Variants in PPP1R21 observed in about 807,000 individuals in gnomAD.
PPP1R21 encodes KLRAQ motif containing 1.
A neutral mutation model predicts 112.8 loss-of-function variants in PPP1R21; 85 were observed. The observed-to-expected ratio is 0.75, with a 90% CI of 0.63 to 0.90. The LOEUF is 0.90. PPP1R21 is among the 40% of genes least tolerant of loss of function. The pLI, the probability that PPP1R21 is intolerant of heterozygous loss-of-function variation, is 0.00. For missense variants in PPP1R21, 1,199 were observed against 901.5 expected (o/e 1.33, Z -4.23); for synonymous variants, 381 against 322.3 (o/e 1.18, Z -1.95).
chr2:48,495,626 G>T, intron 15 of PPP1R21, 53 bp from the exon 16 acceptor site: 1 of 942,014 alleles, frequency 1.1e-6, no homozygotes, highest in South Asian at 1.3e-5. Flanking sequence ...TTGGATGCAG[G>T]GGAGGGGTGA....
chr2:48,511,234 G>T, intron 20 of PPP1R21, 106 bp from the exon 21 acceptor site: 4 of 1,095,556 alleles, frequency 3.7e-6, no homozygotes, highest in South Asian at 1.6e-5. Flanking sequence ...AAATTATTGG[G>T]AAACTATAAT....
chr2:48,488,266 C>T (rs75282164), intron 14 of PPP1R21, among the ~76,000 whole-genome samples: 2,127 of 152,212 alleles, frequency 0.014, 45 homozygotes, highest in African/African-American at 0.046. Context: ...CCTTCATCCA[C>T]GGCATGCCAG....
At position 48,510,221 on chromosome 2, in the gene PPP1R21, T is replaced by A. The variant is rs1007400634; in HGVS notation, c.2184+108T>A. 2.5e-5 allele frequency: 17 copies of A among 671,626 alleles called. No individual in the cohort carries two copies. In the African/African-American group the frequency reaches 2.9e-4, roughly 11 times the overall value. The allele number at this position is 671,626 out of a possible 1,614,324, so 41.6% of individuals were successfully genotyped here. ...GCATTTGATCTCTAGATATGCTTTT[T>A]AAGATAACCACTGTATTTCTGATTC... On this transcript the variant is annotated intron_variant, in intron 20 of 21. Coordinates refer to ENST00000294952, the MANE Select transcript of PPP1R21 (RefSeq NM_001135629.3).
At chr2:48,468,072 G>T (rs1464369085) in intron 9 of PPP1R21, among the ~76,000 whole-genome samples, 1 of 152,160 alleles carries the variant, frequency 6.6e-6, no homozygotes. Flanking sequence ...TAGACTTCCT[G>T]GGTTCCCAGT....
Position 48,498,740 on chromosome 2 carries a change from G to A in PPP1R21, c.1935+5G>A. 6.2e-7 allele frequency: 1 copy of A among 1,613,344 alleles called. No individual in the cohort carries two copies. Among genetic ancestry groups the A allele is most frequent in the Non-Finnish European group, 8.5e-7 (1 of 1,179,390 alleles). On this transcript the variant is annotated splice_donor_5th_base_variant and intron_variant, in intron 17 of 21. Coordinates refer to ENST00000294952, the MANE Select transcript of PPP1R21 (RefSeq NM_001135629.3). ...CCCATTCAGAGCACCAGTCTAGTAAGTGTCTTCTTGGTTGTCCTCAGTTTT... is the reference window on the plus strand; with the variant it reads ...CCCATTCAGAGCACCAGTCTAGTAAATGTCTTCTTGGTTGTCCTCAGTTTT...
chr2:48,442,148 T>A (rs1197101185), intron 1 of PPP1R21, among the ~76,000 whole-genome samples: 1 of 152,222 alleles, frequency 6.6e-6, no homozygotes, highest in African/African-American at 2.4e-5. Flanking sequence ...AGTGTTCATC[T>A]TTTGAAGGAG....
At chr2:48,509,693 A>G (rs1394065075) in intron 19 of PPP1R21, among the ~76,000 whole-genome samples, 1 of 152,076 alleles carries the variant, frequency 6.6e-6, no homozygotes, top group East Asian at 1.9e-4. Flanking sequence ...CAACAGAGCA[A>G]GACTCCGTCT....
intron 12 of PPP1R21, among the ~76,000 whole-genome samples, chr2:48,476,611 A>G (rs562832724): frequency 6.6e-6 from 1 of 152,200 alleles, no homozygotes; most frequent in African/African-American, 2.4e-5. Flanking sequence ...CTTCAGTGTT[A>G]TTACTTGGTT....
At position 48,511,073 on chromosome 2, in the gene PPP1R21, G is replaced by A. The variant is rs147555804; in HGVS notation, c.2185-267G>A. Reference sequence around the variant, plus strand: ...TTGATGTAAATAGTTGTACATGTTTGGGGGGGACATGGTATTTTGATTATT... The same window carrying A: ...TTGATGTAAATAGTTGTACATGTTTAGGGGGGACATGGTATTTTGATTATT... On this transcript the variant is annotated intron_variant, in intron 20 of 21. Transcript: ENST00000294952. 3.0e-3 allele frequency among the ~76,000 whole-genome samples: 456 copies of A among 152,170 alleles called. 3 individuals carry two copies. Among genetic ancestry groups the A allele is most frequent in the Middle Eastern group, 0.017 (5 of 294 alleles).
chr2:48,471,169 A>G lies in PPP1R21; in HGVS notation c.980A>G (p.Glu327Gly). ...CTTCATTTATTTGAAAGTATCACTG[A>G]GGATACTGTGACTGTCTTGGTAATT... Reference protein sequence around the residue: ...GMLHLFESITEDTVTVLETTV... With the variant: ...GMLHLFESITGDTVTVLETTV... Residue 327 changes from glutamate to glycine, a missense_variant, in exon 10 of 22, where the codon GAG (glutamate) becomes GGG (glycine). Physicochemically the swap from Glu to Gly is moderately conservative, Grantham distance 98. Coordinates refer to ENST00000294952, the MANE Select transcript of PPP1R21 (RefSeq NM_001135629.3). The G allele has an allele frequency of 1.2e-6, 2 of 1,611,250 alleles. No individual in the cohort carries two copies. The highest frequency in any genetic ancestry group is 1.1e-5 in the South Asian group (1 of 91,000).
chr2:48,445,513 G>A (rs1305361626), intron 1 of PPP1R21, among the ~76,000 whole-genome samples: 1 of 152,168 alleles, frequency 6.6e-6, no homozygotes, highest in Non-Finnish European at 1.5e-5. Context: ...TGGTTTAGTA[G>A]GTCTGGGGTG....
chr2:48,472,961 A>G (rs1334131552), intron 11 of PPP1R21, among the ~76,000 whole-genome samples: 1 of 149,866 alleles, frequency 6.7e-6, no homozygotes, highest in East Asian at 1.9e-4. Flanking sequence ...AAAAGAATGT[A>G]TAAGTAATTA....
chr2:48,454,699 A>C lies in PPP1R21; in HGVS notation c.231A>C (p.Gln77His). The change falls in exon 3 of 22, where the codon CAA (glutamine) becomes CAC (histidine). Residue 77 changes from glutamine to histidine, a missense_variant. Physicochemically the swap from Gln to His is conservative, Grantham distance 24. Coordinates refer to ENST00000294952, the MANE Select transcript of PPP1R21 (RefSeq NM_001135629.3). ...LQLAKRVELL[Q>H]DELALSEPRG... The stretch of plus-strand genomic sequence containing the variant: ...TTGCCAAGAGGGTAGAACTACTTCA[A>C]GATGAACTAGCTCTAAGTGAACCAC... The C allele has an allele frequency of 1.2e-6, 2 of 1,614,172 alleles. No homozygotes were observed. Among genetic ancestry groups the C allele is most frequent in the Non-Finnish European group, 1.7e-6 (2 of 1,180,000 alleles).
At position 48,458,034 on chromosome 2, in the gene PPP1R21, A is replaced by G. The variant is rs761199360; in HGVS notation, c.274-92A>G. The G allele has an allele frequency of 1.7e-4, 145 of 833,480 alleles. 1 individual carries two copies. Among genetic ancestry groups the G allele is most frequent in the Non-Finnish European group, 2.8e-4 (135 of 482,726 alleles). The allele number at this position is 833,480 out of a possible 1,614,324, so 51.6% of individuals were successfully genotyped here. A position where few individuals can be genotyped will look rare whatever the true frequency, so the allele number is the denominator to read the frequency against. ...TGAGAATGGTGAACACATAGAAGAGACAAGCTTCTAAGATGATAGAGAATC... is the reference window on the plus strand; with the variant it reads ...TGAGAATGGTGAACACATAGAAGAGGCAAGCTTCTAAGATGATAGAGAATC... On this transcript the variant is annotated intron_variant, in intron 3 of 21. Coordinates refer to ENST00000294952, the MANE Select transcript of PPP1R21 (RefSeq NM_001135629.3).
At chr2:48,469,556 G>GAGAGAGAGAGCATATATATATATATAT (rs1668414192) in intron 9 of PPP1R21, among the ~76,000 whole-genome samples, 10 of 108,980 alleles carry the variant, frequency 9.2e-5, no homozygotes, top group African/African-American at 3.3e-4. Flanking sequence ...TATATATAGA[G>GAGAGAGAGAGCATATATATATATATAT]AGAGAGAGAG....
In PPP1R21 at chr2:48,461,232, A is replaced by G; in HGVS notation, c.694A>G (p.Lys232Glu). ...TGAAAAAGTACCTTTTAATGATACA[A>G]GTAGGTATTATGTACAGTTTTCCAT... ...INEKVPFNDTKYSQYNALNVP... is the reference protein window; with the variant it reads ...INEKVPFNDTEYSQYNALNVP... The change falls in exon 7 of 22, where the codon AAA (lysine) becomes GAA (glutamate). Residue 232 changes from lysine (K) to glutamate (E), a missense_variant and splice_region_variant. Transcript: ENST00000294952. The G allele has an allele frequency of 6.4e-7, 1 of 1,569,064 alleles. No individual in the cohort carries two copies. The highest frequency in any genetic ancestry group is 2.1e-5 in the Admixed American group (1 of 48,414).
rs1572899297 is a variant in PPP1R21, at chr2:48,507,275, G to C, written c.1975G>C (p.Asp659His). 1 of 1,549,348 alleles carries C rather than the reference G, an allele frequency of 6.5e-7. No homozygotes were observed. Among genetic ancestry groups the C allele is most frequent in the East Asian group, 2.5e-5 (1 of 40,156 alleles). ...GTATTTGTGTTCTATTTAGGTTCCA[G>C]ATGTGGAATCTCGTGAAGACTTAAT... ...LTRTSDSEVPDVESREDLIKN... is the reference protein window; with the variant it reads ...LTRTSDSEVPHVESREDLIKN... Residue 659 changes from aspartate (D) to histidine (H), a missense_variant, in exon 19 of 22, where the codon GAT becomes CAT. Physicochemically the swap from Asp to His is moderately conservative, Grantham distance 81. Coordinates refer to ENST00000294952, the MANE Select transcript of PPP1R21 (RefSeq NM_001135629.3).
chr2:48,452,653 T>G (rs1667529931), intron 2 of PPP1R21, among the ~76,000 whole-genome samples: 1 of 152,086 alleles, frequency 6.6e-6, no homozygotes, highest in African/African-American at 2.4e-5. Context: ...GGATTTCCTG[T>G]GTTACAGGAG....
At position 48,461,159 on chromosome 2, in the gene PPP1R21, T is replaced by A; in HGVS notation, c.621T>A (p.Leu207=). The A allele has an allele frequency of 6.3e-7, 1 of 1,581,190 alleles. No homozygotes were observed. Among genetic ancestry groups the A allele is most frequent in the East Asian group, 2.3e-5 (1 of 43,714 alleles). Residue 207 remains leucine (L), a synonymous_variant, in exon 7 of 22, where the codon CTT becomes CTA. Coordinates refer to ENST00000294952, the MANE Select transcript of PPP1R21 (RefSeq NM_001135629.3). The part of the protein sequence containing the change: ...TEECQLQLKT[L]HEDLSGRLEE... ...GCAGTCAATTACAGTTAAAGACTCT[T>A]CATGAAGATTTGTCAGGTAGATTAG...
Sources: allele counts gnomAD v4.1 joint callset (sites outside exome capture counted in the v4.1 genomes callset), GRCh38; gene constraint gnomAD v4.1.1; transcripts MANE v1.5; gene names NCBI Gene and HGNC (gene_info 2026-07-23, HGNC 2026-07-21).